Variants in MAGI1 observed in about 807,000 individuals in gnomAD.
The protein encoded by MAGI1 is membrane associated guanylate kinase, WW and PDZ domain containing 1.
In MAGI1, 58 loss-of-function variants were observed where a neutral mutation model predicts 139.9. That is an observed-to-expected ratio of 0.41 (90% CI 0.34 to 0.52). The LOEUF (loss-of-function observed/expected upper bound fraction) is 0.52. MAGI1 is among the 20% of genes least tolerant of loss of function. The probability of loss-of-function intolerance (pLI) is 0.12; values close to 1 mark genes in which losing one functional copy is unlikely to be tolerated. For synonymous variants in MAGI1, 812 were observed against 737.9 expected, an observed-to-expected ratio of 1.10 and a Z score of -1.63; for missense variants, 1,874 against 1,901.6, an observed-to-expected ratio of 0.99 and a Z score of 0.27.
At chr3:65,950,280 C>G (rs574483738) in intron 1 of MAGI1, among the ~76,000 whole-genome samples, 2 of 152,086 alleles carry the variant, frequency 1.3e-5, no homozygotes, top group Admixed American at 6.5e-5. Context: ...AGCTTTAGTT[C>G]AGAGACCACT....
At position 65,818,903 on chromosome 3, in the gene MAGI1, A is replaced by G. The variant is rs1279925839; in HGVS notation, c.314-196815T>C. On this transcript the variant is annotated intron_variant, in intron 1 of 22. Coordinates refer to ENST00000402939, the MANE Select transcript of MAGI1 (RefSeq NM_001033057.2). ...TTTATCACGGCTCAACAAAAGATCAATAACGTTGATTGAATTCCATTCATA... is the reference window on the plus strand; with the variant it reads ...TTTATCACGGCTCAACAAAAGATCAGTAACGTTGATTGAATTCCATTCATA... Among the ~76,000 whole-genome samples, 5 of 152,214 alleles carry G rather than the reference A, an allele frequency of 3.3e-5. No individual in the cohort carries two copies. In the South Asian group the frequency reaches 8.3e-4, roughly 25 times the overall value.
chr3:65,662,307 G>A (rs2086244841), intron 1 of MAGI1, among the ~76,000 whole-genome samples: 1 of 152,184 alleles, frequency 6.6e-6, no homozygotes, highest in Non-Finnish European at 1.5e-5. Flanking sequence ...GGGTTTAAAT[G>A]AAAATGTACT....
intron 12 of MAGI1, among the ~76,000 whole-genome samples, chr3:65,427,280 C>A (rs1046317995): frequency 1.3e-5 from 2 of 151,940 alleles, no homozygotes; most frequent in South Asian, 4.2e-4. Flanking sequence ...CCACTGCACT[C>A]CAGCCTGGGT....
chr3:65,803,761 C>T (rs1393378775), intron 1 of MAGI1, among the ~76,000 whole-genome samples: 1 of 152,150 alleles, frequency 6.6e-6, no homozygotes, highest in African/African-American at 2.4e-5. Context: ...CACGTGTTCT[C>T]ATCATTTAGC....
rs2069061406 is a variant in MAGI1, at chr3:66,038,474, C to T, written c.-166G>A. ...GCTCCCCTGCACACGCTCGCGCACT[C>T]AAGCCATCATAAAACAAACTTTCTG... On this transcript the variant is annotated 5_prime_UTR_variant, in exon 1 of 23. It removes the in-frame stop codon of an upstream open reading frame in the 5' UTR. Coordinates refer to ENST00000402939, the MANE Select transcript of MAGI1 (RefSeq NM_001033057.2). The T allele has an allele frequency of 1.0e-6, 1 of 980,414 alleles. No individual in the cohort carries two copies. The highest frequency in any genetic ancestry group is 1.4e-6 in the Non-Finnish European group (1 of 707,500). 60.7% of individuals were successfully genotyped at this position (980,414 alleles called of 1,614,324 possible).
chr3:65,954,828 C>T (rs986990992), intron 1 of MAGI1, among the ~76,000 whole-genome samples: 4 of 152,166 alleles, frequency 2.6e-5, no homozygotes, highest in African/African-American at 9.7e-5. Context: ...AGCAGGTACT[C>T]AGAACAGTGC....
intron 2 of MAGI1, among the ~76,000 whole-genome samples, chr3:65,582,667 T>C (rs546517881): frequency 6.6e-6 from 1 of 152,294 alleles, no homozygotes; most frequent in South Asian, 2.1e-4. Context: ...GCATCCTGGT[T>C]ACTTCAATTC....
chr3:65,810,861 C>T (rs993478398), intron 1 of MAGI1, among the ~76,000 whole-genome samples: 3 of 152,204 alleles, frequency 2.0e-5, no homozygotes, highest in Non-Finnish European at 4.4e-5. Context: ...TAGCTCTTTC[C>T]TCTTTCTCTT....
chr3:65,959,603 TA>T lies in MAGI1; in HGVS notation c.313+78392del, dbSNP rs1216431230. Among the ~76,000 whole-genome samples, 606 of 83,772 alleles carry T rather than the reference TA, an allele frequency of 7.2e-3. 5 individuals are homozygous for T. The highest frequency in any genetic ancestry group is 9.5e-3 in the Non-Finnish European group (352 of 36,872). The allele number at this position is 83,772 out of a possible 152,430, so 55.0% of individuals were successfully genotyped here. ...ACATGGGCCACCATCCCAGCATTTT[TA>T]TTATTATTATTATTATTATTATTAT... On this transcript the variant is annotated intron_variant, in intron 1 of 22. Transcript: ENST00000402939.
chr3:65,806,531 C>T (rs529276770), intron 1 of MAGI1, among the ~76,000 whole-genome samples: 11 of 152,282 alleles, frequency 7.2e-5, no homozygotes, highest in African/African-American at 2.2e-4. Flanking sequence ...GTTTTCTGTA[C>T]GTCACTTTCC....
At chr3:65,666,107 C>T (rs2086502011) in intron 1 of MAGI1, among the ~76,000 whole-genome samples, 1 of 152,110 alleles carries the variant, frequency 6.6e-6, no homozygotes, top group Non-Finnish European at 1.5e-5. Context: ...AGGAGCCCTT[C>T]AGTACTAATC....
intron 1 of MAGI1, among the ~76,000 whole-genome samples, chr3:66,001,030 T>C (rs1451889461): frequency 1.3e-5 from 2 of 152,194 alleles, no homozygotes; most frequent in Non-Finnish European, 2.9e-5. Context: ...ATGGAAAAGA[T>C]GAAATTATTC....
chr3:65,777,016 CA>C (rs1429303964), intron 1 of MAGI1, among the ~76,000 whole-genome samples: 1 of 152,170 alleles, frequency 6.6e-6, no homozygotes, highest in African/African-American at 2.4e-5. Context: ...TGGGGCCTAG[CA>C]CAGCACCTGG....
intron 22 of MAGI1, chr3:65,359,774 A>C: frequency 1.0e-6 from 1 of 985,744 alleles, no homozygotes; most frequent in Non-Finnish European, 1.2e-6. Context: ...TTTTTAGCCC[A>C]AAGAACATTT....
At chr3:66,022,784 A>T (rs745443215) in intron 1 of MAGI1, among the ~76,000 whole-genome samples, 64 of 152,258 alleles carry the variant, frequency 4.2e-4, no homozygotes, top group Non-Finnish European at 8.8e-4. Context: ...ATATGCATTT[A>T]TCACATATGT....
intron 1 of MAGI1, among the ~76,000 whole-genome samples, chr3:66,027,689 C>A (rs921547326): frequency 1.3e-5 from 2 of 152,290 alleles, no homozygotes; most frequent in Admixed American, 6.5e-5. Flanking sequence ...ATAATAGTTA[C>A]AATTACTAGC....
chr3:65,642,212 C>A (rs901475355), intron 1 of MAGI1, among the ~76,000 whole-genome samples: 4 of 152,118 alleles, frequency 2.6e-5, no homozygotes, highest in African/African-American at 4.8e-5. Context: ...ATTCTACACT[C>A]CAGCTAACAC....
Position 65,502,926 on chromosome 3 carries a change from A to G in MAGI1, c.431-9295T>C, listed in dbSNP as rs902823112. On this transcript the variant is annotated intron_variant, in intron 2 of 22. Coordinates refer to ENST00000402939, the MANE Select transcript of MAGI1 (RefSeq NM_001033057.2). ...TACTTTGGAGGGTGGGAGTGGTTAG[A>G]AAACGAACAGTGGAGAGAGGGGGTA... is the stretch of plus-strand genomic sequence containing the variant. Among the ~76,000 whole-genome samples, 5 of 150,662 alleles carry G rather than the reference A, an allele frequency of 3.3e-5. No individual in the cohort carries two copies. The East Asian group carries it at 9.6e-4, about 29-fold the overall frequency.
intron 2 of MAGI1, among the ~76,000 whole-genome samples, chr3:65,596,151 T>G (rs1316238154): frequency 6.6e-6 from 1 of 152,198 alleles, no homozygotes; most frequent in African/African-American, 2.4e-5. Context: ...TCAGAAAGTA[T>G]GAGCCTTATA....
Sources: allele counts gnomAD v4.1 joint callset (sites outside exome capture counted in the v4.1 genomes callset), GRCh38; gene constraint gnomAD v4.1.1; transcripts MANE v1.5; gene names NCBI Gene and HGNC (gene_info 2026-07-23, HGNC 2026-07-21).